LRP1: variants seen among roughly 807,000 people sequenced by gnomAD.
The protein encoded by LRP1 is prolow-density lipoprotein receptor-related protein 1.
A neutral mutation model predicts 541.5 loss-of-function variants in LRP1; 51 were observed. That is an observed-to-expected ratio of 0.09 (90% CI 0.08 to 0.12). The LOEUF is 0.12. Among genes scored for constraint, LRP1 ranks in the 10% least tolerant of loss-of-function variants. The pLI is 1.00. For synonymous variants in LRP1, 2,219 were observed against 2,470.8 expected, an observed-to-expected ratio of 0.90 and a Z score of 3.02; for missense variants, 3,878 against 6,376.2, an observed-to-expected ratio of 0.61 and a Z score of 13.34.
At chr12:57,202,836 G>A in intron 68 of LRP1, 1 of 571,804 alleles carries the variant, frequency 1.7e-6, no homozygotes, top group Non-Finnish European at 3.1e-6. Flanking sequence ...TCCCTGTGCT[G>A]TGCCTCTACC....
At chr12:57,167,647 G>C (rs1192020110) in intron 19 of LRP1, 123 bp downstream of exon 19, 11 of 768,082 alleles carry the variant, frequency 1.4e-5, no homozygotes, top group South Asian at 6.4e-5. Flanking sequence ...CTGAATCCCT[G>C]CTGGGTTGCC....
chr12:57,208,930 CA>C (rs2036848161), intron 78 of LRP1, 113 bp downstream of exon 78: 1 of 1,108,934 alleles, frequency 9.0e-7, no homozygotes, highest in Middle Eastern at 2.1e-4. Flanking sequence ...TGGACTGGGG[CA>C]GGGCAGATTG....
chr12:57,205,745 A>G lies in LRP1; in HGVS notation c.11590+68A>G. The G allele has an allele frequency of 6.3e-7, 1 of 1,584,618 alleles. No individual in the cohort carries two copies. The highest frequency in any genetic ancestry group is 8.5e-7 in the Non-Finnish European group (1 of 1,170,400). On this transcript the variant is annotated intron_variant, in intron 75 of 88. Coordinates refer to ENST00000243077, the MANE Select transcript of LRP1 (RefSeq NM_002332.3). This position sits in a 1 kb window ranked among gnomAD's most constrained non-coding sequence, Gnocchi z 4.6. ...GCGACCAGGATATCAAACGGGGCCGACTTGGAATGGAATGTCTTCCTGCGG... is the reference window on the plus strand; with the variant it reads ...GCGACCAGGATATCAAACGGGGCCGGCTTGGAATGGAATGTCTTCCTGCGG...
intron 43 of LRP1, 28 bp downstream of exon 43, chr12:57,191,037 G>A (rs901161419): frequency 8.2e-6 from 13 of 1,589,580 alleles, no homozygotes; most frequent in East Asian, 4.5e-5. Context: ...GTGAGCTGGC[G>A]GGCGGCTGAG....
chr12:57,198,085 G>A (rs1291389796), intron 58 of LRP1, 71 bp from the exon 59 acceptor site: 1 of 1,337,836 alleles, frequency 7.5e-7, no homozygotes, highest in Admixed American at 1.9e-5. Flanking sequence ...AGGGGAGGCT[G>A]AGCCTCACAG....
At chr12:57,191,921 CTA>C (rs2036407137) in intron 44 of LRP1, among the ~76,000 whole-genome samples, 1 of 120,172 alleles carries the variant, frequency 8.3e-6, no homozygotes, top group African/African-American at 3.2e-5. Context: ...ACCACACACA[CTA>C]CACATACCAC....
chr12:57,193,784 A>G, intron 47 of LRP1, 99 bp downstream of exon 47: 14 of 1,606,442 alleles, frequency 8.7e-6, no homozygotes, highest in Non-Finnish European at 1.2e-5. Flanking sequence ...GTCTGGTTCA[A>G]GGCACTCTGT....
chr12:57,166,402 AT>A, intron 17 of LRP1, 193 bp downstream of exon 17: 1 of 697,644 alleles, frequency 1.4e-6, no homozygotes, highest in Non-Finnish European at 2.3e-6. Flanking sequence ...TACAAAAAAA[AT>A]TTAAAAAAAC....
intron 1 of LRP1, among the ~76,000 whole-genome samples, chr12:57,137,968 GA>G (rs913887715): frequency 1.1e-4 from 17 of 152,168 alleles, no homozygotes; most frequent in African/African-American, 4.1e-4. Flanking sequence ...TAGGGGTTGG[GA>G]AGGATGGGGT....
chr12:57,203,525 C>G lies in LRP1; in HGVS notation c.10951+4C>G. 1 of 1,527,460 alleles carries G rather than the reference C, an allele frequency of 6.5e-7. No individual in the cohort carries two copies. The highest frequency in any genetic ancestry group is 8.8e-7 in the Non-Finnish European group (1 of 1,132,050). 94.6% of individuals were successfully genotyped at this position (1,527,460 alleles called of 1,614,324 possible). A position where few individuals can be genotyped will look rare whatever the true frequency, so the allele number is the denominator to read the frequency against. On this transcript the variant is annotated splice_donor_region_variant and intron_variant, in intron 70 of 88. Coordinates refer to ENST00000243077, the MANE Select transcript of LRP1 (RefSeq NM_002332.3). Reference sequence around the variant, plus strand: ...GAGGAGGCCTGCGGCACTGGCGGTGCGCCCCTTGGCTTGGTCTCCCTGGGT... The same window carrying G: ...GAGGAGGCCTGCGGCACTGGCGGTGGGCCCCTTGGCTTGGTCTCCCTGGGT...
At position 57,160,046 on chromosome 12, in the gene LRP1, G is replaced by C. The variant is rs200434045; in HGVS notation, c.1979+41G>C. 148 of 1,593,432 alleles carry C rather than the reference G, an allele frequency of 9.3e-5. No homozygotes were observed. In the African/African-American group the frequency reaches 1.9e-3, roughly 20 times the overall value. On this transcript the variant is annotated intron_variant, in intron 12 of 88. Transcript: ENST00000243077. ...CCTTGGGGTGGGAGGAGCTGGGAGT[G>C]TGTGGGCCTCAGATAACTGGAGGAT...
chr12:57,150,539 C>T (rs958997740), intron 6 of LRP1, among the ~76,000 whole-genome samples: 5 of 152,090 alleles, frequency 3.3e-5, no homozygotes, highest in African/African-American at 7.2e-5. Flanking sequence ...GAGCCTGAGC[C>T]GAGTCTTGAC....
At chr12:57,146,205 G>A (rs1178254719) in intron 6 of LRP1, among the ~76,000 whole-genome samples, 1 of 131,944 alleles carries the variant, frequency 7.6e-6, no homozygotes, top group Non-Finnish European at 1.7e-5. Flanking sequence ...CTCAGAGGCT[G>A]TTACACCAGC....
rs1362522501 is a variant in LRP1 at position 57,162,334 on chromosome 12, T to G, written c.2220T>G (p.Pro740=). 6.2e-7 allele frequency: 1 copy of G among 1,614,206 alleles called. No individual in the cohort carries two copies. The highest frequency in any genetic ancestry group is 2.2e-5 in the East Asian group (1 of 44,884). The change falls in exon 14 of 89, where the codon CCT becomes CCG. Residue 740 remains proline, a synonymous_variant. Coordinates refer to ENST00000243077, the MANE Select transcript of LRP1 (RefSeq NM_002332.3). This position sits in a 1 kb window ranked among gnomAD's most constrained non-coding sequence, Gnocchi z 5.2. ...GTDRKIVYEG[P]ELNHAFGLCH... ...ATCCCTAGATTGTGTATGAAGGTCC[T>G]GAGCTGAACCACGCCTTTGGCCTGT...
At chr12:57,191,090 G>C (rs2036369129) in intron 43 of LRP1, 81 bp downstream of exon 43, 1 of 1,428,510 alleles carries the variant, frequency 7.0e-7, no homozygotes, top group African/African-American at 1.4e-5. Flanking sequence ...AGACCGTCCA[G>C]GCACAGACAT....
Position 57,200,809 on chromosome 12 carries a change from A to C in LRP1, c.10219A>C (p.Asn3407His). Residue 3407 changes from asparagine (N) to histidine (H), a missense_variant, in exon 64 of 89, where the codon AAC becomes CAC. Asn to His is a moderately conservative substitution (Grantham distance 68, BLOSUM62 1). Transcript: ENST00000243077. ...CTGCCAGGACAACAGTGACGAGGCC[A>C]ACTGTGGTAAGGCGCTGCCCGCCCA... ...NDCQDNSDEA[N>H]CDIHVCLPSQ... The C allele has an allele frequency of 6.2e-7, 1 of 1,613,192 alleles. No individual in the cohort carries two copies. Among genetic ancestry groups the C allele is most frequent in the Non-Finnish European group, 8.5e-7 (1 of 1,179,678 alleles).
chr12:57,180,614 G>A (rs2036144684), intron 32 of LRP1, 53 bp from the exon 33 acceptor site: 1 of 1,611,226 alleles, frequency 6.2e-7, no homozygotes, highest in Admixed American at 1.7e-5. Context: ...GGCCCTTCAG[G>A]AGAGCTGGGT....
chr12:57,149,034 G>A (rs1332618823), intron 6 of LRP1: 2 of 648,840 alleles, frequency 3.1e-6, no homozygotes, highest in East Asian at 2.9e-5. Context: ...TGTCTAGAGG[G>A]GAGGCAAAGA....
chr12:57,181,422 T>C lies in LRP1; in HGVS notation c.5662+131T>C, dbSNP rs575469888. The C allele has an allele frequency of 2.5e-4, 293 of 1,179,454 alleles. 1 individual carries two copies. Among genetic ancestry groups the C allele is most frequent in the Middle Eastern group, 1.5e-3 (5 of 3,406 alleles). 73.1% of individuals were successfully genotyped at this position (1,179,454 alleles called of 1,614,324 possible). A position where few individuals can be genotyped will look rare whatever the true frequency, so the allele number is the denominator to read the frequency against. ...TCGTCGTGTAGGGGACACTGGACTA[T>C]GAAGTGGCTATGACTCTCCAGTGCC... is the stretch of plus-strand genomic sequence containing the variant. On this transcript the variant is annotated intron_variant, in intron 34 of 88. Coordinates refer to ENST00000243077, the MANE Select transcript of LRP1 (RefSeq NM_002332.3).
Sources: gnomAD v4.1 joint callset for allele counts (sites outside exome capture counted in the v4.1 genomes callset) on GRCh38, gnomAD v4.1.1 for gene constraint, Gnocchi (gnomAD v3.1) non-coding constraint, MANE v1.5 for transcripts, NCBI Gene and HGNC (gene_info 2026-07-23, HGNC 2026-07-21) for gene names.